The following RYR3 variants were observed in gnomAD, a reference collection of about 807,000 sequenced individuals.
The protein encoded by RYR3 is brain ryanodine receptor-calcium release channel.
RYR3 carries 207 observed loss-of-function variants against 584.3 expected under a neutral mutation model. That is an observed-to-expected ratio of 0.35 (90% CI 0.32 to 0.40). The LOEUF is 0.40. Among genes scored for constraint, RYR3 ranks in the 10% least tolerant of loss-of-function variants. The pLI, the probability that RYR3 is intolerant of heterozygous loss-of-function variation, is 1.00. For synonymous variants in RYR3, 2,416 were observed against 2,248.5 expected (o/e 1.07, Z -2.11); for missense variants, 5,616 against 6,089.2 (o/e 0.92, Z 2.59).
intron 2 of RYR3, among the ~76,000 whole-genome samples, chr15:33,474,740 A>ACC (rs934542606): frequency 1.2e-4 from 19 of 152,134 alleles, no homozygotes; most frequent in African/African-American, 4.6e-4. Flanking sequence ...TTTCCAAAAG[A>ACC]CCCACCTATT....
intron 43 of RYR3, among the ~76,000 whole-genome samples, chr15:33,711,875 T>C (rs61356371): frequency 0.08 from 12,147 of 152,218 alleles, 1,039 homozygotes; most frequent in African/African-American, 0.22. Flanking sequence ...CAAAGCTGCT[T>C]CCACATTTTC....
chr15:33,398,776 T>A (rs1054320653), intron 1 of RYR3, among the ~76,000 whole-genome samples: 2 of 152,236 alleles, frequency 1.3e-5, no homozygotes, highest in Admixed American at 6.5e-5. Flanking sequence ...AGACCCACAG[T>A]GCAGAGCCGA....
chr15:33,521,652 A>G (rs969764660), intron 3 of RYR3, among the ~76,000 whole-genome samples: 16 of 152,136 alleles, frequency 1.1e-4, no homozygotes, highest in Non-Finnish European at 1.5e-5. Flanking sequence ...GTCCTGTGAT[A>G]TGAGGAGACA....
At chr15:33,327,003 G>A (rs1969788714) in intron 1 of RYR3, among the ~76,000 whole-genome samples, 2 of 107,850 alleles carry the variant, frequency 1.9e-5, no homozygotes, top group Admixed American at 1.7e-4. Context: ...TTAGGGTGTA[G>A]TTTAAAAAAA....
At chr15:33,583,538 G>C (rs2058694680) in intron 14 of RYR3, among the ~76,000 whole-genome samples, 1 of 152,260 alleles carries the variant, frequency 6.6e-6, no homozygotes, top group Non-Finnish European at 1.5e-5. Context: ...CATTGCTCTA[G>C]TCTGAACAAC....
chr15:33,697,747 T>C, intron 39 of RYR3, 135 bp from the exon 40 acceptor site: 1 of 604,704 alleles, frequency 1.7e-6, no homozygotes, highest in Non-Finnish European at 3.0e-6. Flanking sequence ...GCTGAACTAG[T>C]GCTTTCTTAT....
At chr15:33,695,319 C>T (rs575582617) in intron 38 of RYR3, among the ~76,000 whole-genome samples, 2 of 152,312 alleles carry the variant, frequency 1.3e-5, no homozygotes, top group East Asian at 3.9e-4. Context: ...ACCTCCTATG[C>T]CAATGCCAAT....
intron 69 of RYR3, among the ~76,000 whole-genome samples, chr15:33,807,251 G>T (rs980532908): frequency 6.6e-6 from 1 of 152,172 alleles, no homozygotes; most frequent in Non-Finnish European, 1.5e-5. Flanking sequence ...CCACCCACAA[G>T]AACTCTCTAG....
intron 16 of RYR3, among the ~76,000 whole-genome samples, chr15:33,594,656 TC>T (rs1321541487): frequency 1.3e-5 from 2 of 152,156 alleles, no homozygotes; most frequent in African/African-American, 2.4e-5. Flanking sequence ...TCCAAAGTTA[TC>T]AGAAAACCTG....
chr15:33,338,621 C>T (rs995564939), intron 1 of RYR3, among the ~76,000 whole-genome samples: 3 of 152,142 alleles, frequency 2.0e-5, no homozygotes, highest in Non-Finnish European at 2.9e-5. Flanking sequence ...TGTAGCTTTT[C>T]ATCTTGTAGC....
intron 60 of RYR3, among the ~76,000 whole-genome samples, chr15:33,762,786 C>T (rs2072613157): frequency 6.6e-6 from 1 of 152,058 alleles, no homozygotes; most frequent in Non-Finnish European, 1.5e-5. Context: ...TCATATGGAA[C>T]CAAAAAAGAA....
intron 1 of RYR3, among the ~76,000 whole-genome samples, chr15:33,432,597 TTTTC>T (rs1483012306): frequency 5.1e-4 from 77 of 150,208 alleles, no homozygotes; most frequent in Middle Eastern, 3.4e-3. Context: ...ATTTTTCTTT[TTTTC>T]TTTCTTTTTT....
chr15:33,717,106 G>T (rs1030146733), intron 43 of RYR3, among the ~76,000 whole-genome samples: 1 of 152,086 alleles, frequency 6.6e-6, no homozygotes, highest in South Asian at 2.1e-4. Context: ...ACAATTCTGC[G>T]ATTAAATACT....
intron 31 of RYR3, among the ~76,000 whole-genome samples, chr15:33,652,384 A>G (rs548749449): frequency 6.6e-6 from 1 of 152,106 alleles, no homozygotes; most frequent in African/African-American, 2.4e-5. Flanking sequence ...CCGTGCCTCA[A>G]TTTCCCGTCT....
intron 16 of RYR3, among the ~76,000 whole-genome samples, chr15:33,591,037 G>A (rs2059105776): frequency 3.3e-5 from 5 of 152,264 alleles, no homozygotes. Context: ...ACAGGAGTGT[G>A]TTGCAGTGCC....
At chr15:33,716,269 T>C (rs2067489995) in intron 43 of RYR3, among the ~76,000 whole-genome samples, 1 of 152,212 alleles carries the variant, frequency 6.6e-6, no homozygotes, top group African/African-American at 2.4e-5. Flanking sequence ...TTTATGGCAA[T>C]GCAAGAATGG....
intron 48 of RYR3, among the ~76,000 whole-genome samples, chr15:33,731,925 T>G (rs1388192073): frequency 6.6e-6 from 1 of 152,166 alleles, no homozygotes; most frequent in Non-Finnish European, 1.5e-5. Context: ...AGCTCAGGCT[T>G]TACCCATTAC....
At position 33,543,633 on chromosome 15, in the gene RYR3, G is replaced by C; in HGVS notation, c.658G>C (p.Gly220Arg). 2 of 1,603,782 alleles carry C rather than the reference G, an allele frequency of 1.2e-6. No individual in the cohort carries two copies. Among genetic ancestry groups the C allele is most frequent in the Non-Finnish European group, 1.7e-6 (2 of 1,170,726 alleles). ...TAATTCTCTTACAGGATACCTACTT[G>C]GTGGGCATGTAGTACGTCTTTTCCA... ...GSSIEEGYLL[G>R]GHVVRLFHGH... The change falls in exon 8 of 104, where the codon GGT becomes CGT. Residue 220 changes from glycine (G) to arginine (R), a missense_variant. Coordinates refer to ENST00000634891, the MANE Select transcript of RYR3 (RefSeq NM_001036.6).
At chr15:33,811,510 CAAAA>C (rs34105459) in intron 72 of RYR3, among the ~76,000 whole-genome samples, 1 of 140,752 alleles carries the variant, frequency 7.1e-6, no homozygotes, top group Non-Finnish European at 1.5e-5. Flanking sequence ...GACTCCGTCT[CAAAA>C]AAAAAAAAAA....
Sources: gnomAD v4.1 joint callset for allele counts (sites outside exome capture counted in the v4.1 genomes callset) on GRCh38, gnomAD v4.1.1 for gene constraint, MANE v1.5 for transcripts, NCBI Gene and HGNC (gene_info 2026-07-23, HGNC 2026-07-21) for gene names.